The following TRAP1 variants were observed in gnomAD, a reference collection of about 807,000 sequenced individuals.
TRAP1 encodes heat shock protein 75 kDa, mitochondrial.
In TRAP1, 102 loss-of-function variants were observed where a neutral mutation model predicts 89.1. The observed-to-expected ratio is 1.15, with a 90% confidence interval of 0.98 to 1.35. The LOEUF (loss-of-function observed/expected upper bound fraction) is 1.35, where lower values mean the gene tolerates loss of function less well. Ranked by LOEUF, TRAP1 falls within the 40% of genes most tolerant of loss-of-function variation. The pLI, the probability that TRAP1 is intolerant of heterozygous loss-of-function variation, is 0.00. For missense variants in TRAP1, 1,256 were observed against 945.3 expected, an observed-to-expected ratio of 1.33 and a Z score of -4.31; for synonymous variants, 508 against 388.0, an observed-to-expected ratio of 1.31 and a Z score of -3.64.
intron 8 of TRAP1, 160 bp from the exon 9 acceptor site, chr16:3,674,654 G>A (rs2050963537): frequency 1.2e-6 from 1 of 839,232 alleles, no homozygotes; most frequent in East Asian, 2.7e-5. Context: ...CCACCGCTGG[G>A]CTATGCCGGG....
intron 11 of TRAP1, among the ~76,000 whole-genome samples, chr16:3,668,957 G>T (rs1596705357): frequency 6.6e-6 from 1 of 152,204 alleles, no homozygotes; most frequent in African/African-American, 2.4e-5. Context: ...CTCTCCACAG[G>T]GCCTGGCCCC....
At chr16:3,676,681 A>C (rs1421368141) in intron 6 of TRAP1, 1 of 152,758 alleles carries the variant, frequency 6.5e-6, no homozygotes, top group Admixed American at 6.5e-5. Context: ...AGTCAAGCTG[A>C]GCACAGTGCA....
intron 1 of TRAP1, among the ~76,000 whole-genome samples, chr16:3,711,649 G>C (rs1388342705): frequency 6.6e-6 from 1 of 151,674 alleles, no homozygotes; most frequent in Admixed American, 6.6e-5. Flanking sequence ...AAAAAACACA[G>C]GTGGCAGTAA....
chr16:3,709,902 A>G (rs1283599920), intron 1 of TRAP1, among the ~76,000 whole-genome samples: 3 of 152,156 alleles, frequency 2.0e-5, no homozygotes, highest in African/African-American at 4.8e-5. Flanking sequence ...CACCCGCCTC[A>G]GCCTGCCAAA....
intron 10 of TRAP1, 53 bp from the exon 11 acceptor site, chr16:3,671,844 C>T (rs890748456): frequency 2.6e-5 from 41 of 1,568,016 alleles, no homozygotes; most frequent in Non-Finnish European, 3.5e-5. Context: ...CCACACCACC[C>T]AACATTCCCC....
chr16:3,705,883 G>C (rs1022014619), intron 1 of TRAP1, among the ~76,000 whole-genome samples: 2 of 151,700 alleles, frequency 1.3e-5, no homozygotes, highest in Non-Finnish European at 2.9e-5. Flanking sequence ...AGTAGAGACG[G>C]GGTTTCTCCA....
At chr16:3,661,905 G>A (rs960667373) in intron 16 of TRAP1, 82 bp downstream of exon 16, 3 of 1,477,640 alleles carry the variant, frequency 2.0e-6, no homozygotes, top group Non-Finnish European at 2.7e-6. Context: ...TTTCTTCTGT[G>A]TCACATTCCA....
intron 7 of TRAP1, 102 bp downstream of exon 7, chr16:3,675,934 C>T (rs1254521655): frequency 9.6e-7 from 1 of 1,043,276 alleles, no homozygotes; most frequent in South Asian, 1.6e-5. Flanking sequence ...TCTGCCTGTG[C>T]ACCCTACGTG....
At chr16:3,695,595 G>C (rs2051276327) in intron 1 of TRAP1, among the ~76,000 whole-genome samples, 1 of 150,668 alleles carries the variant, frequency 6.6e-6, no homozygotes, top group Non-Finnish European at 1.5e-5. Context: ...AAACAAAACA[G>C]GGCGCACATG....
chr16:3,676,116 G>A lies in TRAP1; in HGVS notation c.734C>T (p.Ser245Leu), dbSNP rs779627210. 1.4e-5 allele frequency: 22 copies of A among 1,613,958 alleles called. No homozygotes were observed. The East Asian group carries it at 2.2e-4, about 16-fold the overall frequency. ...GATTTTTGTCCCGGTTCTAACTCCC[G>A]AAGCTTCGGCGATTTCAAACACTCC... ...GSGVFEIAEA[S>L]GVRTGTKIII... The change falls in exon 7 of 18, where the codon TCG (serine) becomes TTG (leucine). Residue 245 changes from serine to leucine, a missense_variant. Coordinates refer to ENST00000246957, the MANE Select transcript of TRAP1 (RefSeq NM_016292.3).
Position 3,685,695 on chromosome 16 carries a change from A to G in TRAP1, c.471+301T>C, listed in dbSNP as rs80185014. 3.9e-3 allele frequency among the ~76,000 whole-genome samples: 588 copies of G among 152,248 alleles called. 4 individuals are homozygous for G. Among genetic ancestry groups the G allele is most frequent in the African/African-American group, 0.014 (563 of 41,526 alleles). ...ATGAAAAGAGTACATTAAAAATAAG[A>G]TATGTTTAGATATGTTAATACCTGC... On this transcript the variant is annotated intron_variant, in intron 4 of 17. Transcript: ENST00000246957.
chr16:3,675,817 C>A (rs140734547), intron 7 of TRAP1, among the ~76,000 whole-genome samples: 1 of 152,208 alleles, frequency 6.6e-6, no homozygotes, highest in Non-Finnish European at 1.5e-5. Context: ...GGAGGAGGTC[C>A]GCCTCAGCCA....
intron 9 of TRAP1, among the ~76,000 whole-genome samples, chr16:3,673,807 A>G (rs1009493109): frequency 2.0e-5 from 3 of 152,182 alleles, no homozygotes; most frequent in African/African-American, 7.2e-5. Context: ...GGGAACTTCA[A>G]TGTGGTAAAG....
intron 1 of TRAP1, among the ~76,000 whole-genome samples, chr16:3,695,813 G>A (rs983407282): frequency 1.3e-5 from 2 of 152,162 alleles, no homozygotes; most frequent in Non-Finnish European, 2.9e-5. Flanking sequence ...ATTTACGCAT[G>A]TGCCAAGATC....
chr16:3,694,072 A>T (rs2051254003), intron 1 of TRAP1, among the ~76,000 whole-genome samples: 1 of 150,724 alleles, frequency 6.6e-6, no homozygotes, highest in African/African-American at 2.4e-5. Flanking sequence ...GGGAGAGTCC[A>T]TCCCGCACCT....
intron 4 of TRAP1, among the ~76,000 whole-genome samples, chr16:3,684,181 A>C (rs1329729249): frequency 6.6e-6 from 1 of 152,178 alleles, no homozygotes; most frequent in Non-Finnish European, 1.5e-5. Context: ...AAACAAAAAT[A>C]AAAAGGAATT....
chr16:3,658,838 C>CTGAT lies in TRAP1; in HGVS notation c.1964_1967dup (p.Leu657SerfsTer29). On this transcript the variant is annotated frameshift_variant, in exon 17 of 18. Transcript: ENST00000246957. LOFTEE classifies it high-confidence loss of function. ...CCAGGCCAGGCTCGCTTGCGCGCAG[C>CTGAT]TGATTCAGCTTCTTGATGAGCGCGT... 4 of 1,614,030 alleles carry CTGAT rather than the reference C, an allele frequency of 2.5e-6. No homozygotes were observed. The highest frequency in any genetic ancestry group is 2.5e-6 in the Non-Finnish European group (3 of 1,180,004).
chr16:3,674,473 T>TG lies in TRAP1; in HGVS notation c.909dup (p.Lys304GlnfsTer5). 2 of 1,613,936 alleles carry TG rather than the reference T, an allele frequency of 1.2e-6. No homozygotes were observed. Among genetic ancestry groups the TG allele is most frequent in the Non-Finnish European group, 8.5e-7 (1 of 1,179,972 alleles). ...TCATGTTGCCACTCACGGACATCCTTGGGGTCCATCATCCAGATGGCCTGG... is the reference window on the plus strand; with the variant it reads ...TCATGTTGCCACTCACGGACATCCTTGGGGGTCCATCATCCAGATGGCCTGG... On this transcript the variant is annotated frameshift_variant, in exon 9 of 18. Transcript: ENST00000246957. LOFTEE classifies it high-confidence loss of function.
intron 1 of TRAP1, among the ~76,000 whole-genome samples, chr16:3,709,324 A>G (rs1399648015): frequency 6.6e-6 from 1 of 152,140 alleles, no homozygotes; most frequent in Non-Finnish European, 1.5e-5. Context: ...GTCCTAGTAA[A>G]AGATGTTTTA....
Sources: gnomAD v4.1 joint callset for allele counts (sites outside exome capture counted in the v4.1 genomes callset) on GRCh38, gnomAD v4.1.1 for gene constraint, MANE v1.5 for transcripts, NCBI Gene and HGNC (gene_info 2026-07-23, HGNC 2026-07-21) for gene names.